FRMD6: variants seen among roughly 807,000 people sequenced by gnomAD.
FRMD6 encodes the protein FERM domain-containing protein 6.
FRMD6 carries 37 observed loss-of-function variants against 73.2 expected under a neutral mutation model. The ratio of observed to expected loss-of-function variants is 0.51; its 90% confidence interval spans 0.39 to 0.66. FRMD6 has a LOEUF of 0.66. Among genes scored for constraint, FRMD6 ranks in the 30% least tolerant of loss-of-function variants. FRMD6 has a pLI of 0.00. For synonymous variants in FRMD6, 273 were observed against 282.2 expected, an observed-to-expected ratio of 0.97 and a Z score of 0.33; for missense variants, 714 against 780.5, an observed-to-expected ratio of 0.91 and a Z score of 1.02.
chr14:51,663,128 AGGTTGT>A (rs1466618574), intron 1 of FRMD6, among the ~76,000 whole-genome samples: 4 of 152,226 alleles, frequency 2.6e-5, no homozygotes, highest in Non-Finnish European at 5.9e-5. Flanking sequence ...GATGCTGGCA[AGGTTGT>A]GGAGGAAAAG....
chr14:51,702,495 T>C lies in FRMD6; in HGVS notation c.295-17T>C, dbSNP rs542656835. ...AACTAGAAATAGCTTGATTTTTGTG[T>C]GTGCTTTTGTTTCTAGGGTATCGAC... On this transcript the variant is annotated splice_polypyrimidine_tract_variant and intron_variant, in intron 4 of 13. Coordinates refer to ENST00000344768, the MANE Select transcript of FRMD6 (RefSeq NM_001267046.2). 6.8e-6 allele frequency: 11 copies of C among 1,605,990 alleles called. No individual in the cohort carries two copies. The South Asian group carries it at 1.2e-4, about 18-fold the overall frequency.
the FRMD6 span, among the ~76,000 whole-genome samples, chr14:51,459,884 C>CTTTTTTTTTTTTTTTTTTTTTTTTTT: frequency 2.7e-5 from 2 of 74,652 alleles, 1 homozygote; most frequent in African/African-American, 1.2e-4. Flanking sequence ...TACTGACTCT[C>CTTTTTTTTTTTTTTTTTTTTTTTTTT]TTTTTTTTTT....
At chr14:51,620,623 G>A (rs1028476650) in intron 2 of FRMD6, among the ~76,000 whole-genome samples, 3 of 152,272 alleles carry the variant, frequency 2.0e-5, no homozygotes, top group African/African-American at 7.2e-5. Context: ...TTGACCCCTA[G>A]GAATGTCACC....
intron 2 of FRMD6, among the ~76,000 whole-genome samples, chr14:51,591,586 C>T (rs540678243): frequency 2.2e-4 from 33 of 152,176 alleles, no homozygotes; most frequent in South Asian, 6.2e-4. Context: ...TTTTCCAAGA[C>T]GGCTAGAGTG....
intron 10 of FRMD6, 79 bp from the exon 11 acceptor site, chr14:51,719,976 T>C (rs1283110816): frequency 1.6e-5 from 17 of 1,047,306 alleles, no homozygotes; most frequent in Non-Finnish European, 2.1e-5. Context: ...GTTATCCTTG[T>C]TCTTGGCCTG....
At chr14:51,532,892 A>G (rs1205332304) in intron 1 of FRMD6, among the ~76,000 whole-genome samples, 1 of 152,218 alleles carries the variant, frequency 6.6e-6, no homozygotes, top group Non-Finnish European at 1.5e-5. Flanking sequence ...CATTTTGTAA[A>G]TCTTTGTCAA....
intron 2 of FRMD6, among the ~76,000 whole-genome samples, chr14:51,582,709 A>G (rs1888795083): frequency 1.3e-5 from 2 of 152,212 alleles, no homozygotes; most frequent in Non-Finnish European, 2.9e-5. Context: ...CCAACTTGGC[A>G]TTGGCAGTTG....
chr14:51,530,989 G>A (rs1885549142), intron 1 of FRMD6, among the ~76,000 whole-genome samples: 1 of 152,210 alleles, frequency 6.6e-6, no homozygotes, highest in Non-Finnish European at 1.5e-5. Context: ...AGCATCTGGT[G>A]AGGGTTTTCT....
At chr14:51,467,114 GCC>G in the FRMD6 span, among the ~76,000 whole-genome samples, 1 of 152,110 alleles carries the variant, frequency 6.6e-6, no homozygotes, top group African/African-American at 2.4e-5. Context: ...GGGCCCTGCC[GCC>G]TTCCGCAGTG....
the FRMD6 span, among the ~76,000 whole-genome samples, chr14:51,421,101 C>T: frequency 6.6e-6 from 1 of 152,108 alleles, no homozygotes; most frequent in Non-Finnish European, 1.5e-5. Context: ...CTTGAGCATC[C>T]ATAGATTTTG....
chr14:51,617,530 T>C (rs1039023667), intron 2 of FRMD6, among the ~76,000 whole-genome samples: 1 of 152,206 alleles, frequency 6.6e-6, no homozygotes, highest in Admixed American at 6.5e-5. Flanking sequence ...ATATATTTAA[T>C]ATGATATATT....
At chr14:51,584,584 A>G (rs1004078137) in intron 2 of FRMD6, among the ~76,000 whole-genome samples, 6 of 152,178 alleles carry the variant, frequency 3.9e-5, no homozygotes, top group Middle Eastern at 6.4e-3. Context: ...CTTGTGTAAC[A>G]TGATGATCAC....
At chr14:51,607,208 G>A (rs140264620) in intron 2 of FRMD6, among the ~76,000 whole-genome samples, 4 of 152,164 alleles carry the variant, frequency 2.6e-5, no homozygotes, top group East Asian at 1.9e-4. Context: ...TGGCCATCAC[G>A]CTGCTGTGGG....
At chr14:51,409,900 GTTTCACAGTGCCATCTTA>G in the FRMD6 span, among the ~76,000 whole-genome samples, 1 of 152,142 alleles carries the variant, frequency 6.6e-6, no homozygotes, top group Non-Finnish European at 1.5e-5. Context: ...AACGCAGTAT[GTTTCACAGTGCCATCTTA>G]GACCATCTCC....
chr14:51,580,656 C>T (rs1218413651), intron 2 of FRMD6, among the ~76,000 whole-genome samples: 1 of 152,156 alleles, frequency 6.6e-6, no homozygotes, highest in African/African-American at 2.4e-5. Context: ...AAAAAAGCAA[C>T]ACAATGTTTT....
At chr14:51,517,607 AC>A (rs1329667875) in intron 1 of FRMD6, among the ~76,000 whole-genome samples, 2 of 152,016 alleles carry the variant, frequency 1.3e-5, no homozygotes, top group East Asian at 3.9e-4. Context: ...ATCCTGAAAA[AC>A]ATCAGTTTTC....
chr14:51,522,551 C>T (rs1885009884), intron 1 of FRMD6, among the ~76,000 whole-genome samples: 1 of 152,088 alleles, frequency 6.6e-6, no homozygotes, highest in Admixed American at 6.6e-5. Flanking sequence ...TTTTCCCTTC[C>T]ACTTTTAAAA....
rs191230837 is a variant in FRMD6 at position 51,730,511 on chromosome 14, G to A, written c.*2482G>A. 4 of 152,624 alleles carry A rather than the reference G, an allele frequency of 2.6e-5. No homozygotes were observed. In the East Asian group the frequency reaches 7.7e-4, roughly 29 times the overall value. 9.5% of individuals were successfully genotyped at this position (152,624 alleles called of 1,614,324 possible). A position where few individuals can be genotyped will look rare whatever the true frequency, so the allele number is the denominator to read the frequency against. On this transcript the variant is annotated 3_prime_UTR_variant, in exon 14 of 14. Coordinates refer to ENST00000344768, the MANE Select transcript of FRMD6 (RefSeq NM_001267046.2). ...ATATCTATCGCTTGTCAGTATACCC[G>A]TTTTGGTATATATTGCCTCTGCACA...
the FRMD6 span, among the ~76,000 whole-genome samples, chr14:51,484,043 G>T: frequency 6.6e-6 from 1 of 152,072 alleles, no homozygotes; most frequent in Non-Finnish European, 1.5e-5. Context: ...AGCGTTTGAG[G>T]TCTAGAAAAG....
Sources: gnomAD v4.1 joint callset for allele counts (sites outside exome capture counted in the v4.1 genomes callset) on GRCh38, gnomAD v4.1.1 for gene constraint, MANE v1.5 for transcripts, NCBI Gene and HGNC (gene_info 2026-07-23, HGNC 2026-07-21) for gene names.